The following ZNF552 variants were observed in gnomAD, a reference collection of about 807,000 sequenced individuals.
ZNF552 encodes zinc finger protein 552.
ZNF552 carries 2 observed loss-of-function variants against 7.2 expected under a neutral mutation model. That is an observed-to-expected ratio of 0.28 (90% confidence interval 0.11 to 0.88). The LOEUF is 0.88. Ranked by LOEUF, ZNF552 falls within the 40% of genes least tolerant of loss-of-function variation. The probability of loss-of-function intolerance (pLI) is 0.60; values close to 1 mark genes in which losing one functional copy is unlikely to be tolerated. For missense variants in ZNF552, 421 were observed against 493.4 expected, an observed-to-expected ratio of 0.85 and a Z score of 1.39; for synonymous variants, 173 against 176.5, an observed-to-expected ratio of 0.98 and a Z score of 0.16.
In ZNF552 at chr19:57,807,976, G is replaced by T; in HGVS notation, c.*64C>A. 1.3e-6 allele frequency: 2 copies of T among 1,504,728 alleles called. No individual in the cohort carries two copies. Among genetic ancestry groups the T allele is most frequent in the Non-Finnish European group, 8.9e-7 (1 of 1,119,230 alleles). The allele number at this position is 1,504,728 out of a possible 1,614,324, so 93.2% of individuals were successfully genotyped here. On this transcript the variant is annotated 3_prime_UTR_variant, in exon 3 of 3. Coordinates refer to ENST00000391701, the MANE Select transcript of ZNF552 (RefSeq NM_024762.3). ...TGGGTAAACATTTTCCACATTTGCT[G>T]CAATCACAGGATCTTACTCAGGTGT...
rs572237171 is a variant in ZNF552, at chr19:57,808,970, C to T, written c.294G>A (p.Pro98=). The change falls in exon 3 of 3, where the codon CCG becomes CCA. Residue 98 remains proline, a synonymous_variant. Transcript: ENST00000391701. The part of the protein sequence containing the change: ...KKAHPCEMCG[P]ILGDILHVAD... The stretch of plus-strand genomic sequence containing the variant: ...CCACATGCAAAATGTCTCCCAAGAT[C>T]GGGCCACACATCTCACAGGGGTGGG... 1.9e-5 allele frequency: 30 copies of T among 1,591,096 alleles called. No homozygotes were observed. Among genetic ancestry groups the T allele is most frequent in the South Asian group, 2.3e-5 (2 of 88,686 alleles).
chr19:57,809,278 C>T (rs1420677730), intron 2 of ZNF552, 175 bp from the exon 3 acceptor site: 1 of 1,472,878 alleles, frequency 6.8e-7, no homozygotes, highest in Non-Finnish European at 9.2e-7. Flanking sequence ...ATAATGGTCA[C>T]AGAATGTAGG....
Position 57,808,192 on chromosome 19 carries a change from C to G in ZNF552, c.1072G>C (p.Gly358Arg). 6.2e-7 allele frequency: 1 copy of G among 1,614,070 alleles called. No individual in the cohort carries two copies. Among genetic ancestry groups the G allele is most frequent in the Non-Finnish European group, 8.5e-7 (1 of 1,180,012 alleles). The change falls in exon 3 of 3, where the codon GGG (glycine) becomes CGG (arginine). Residue 358 changes from glycine (G) to arginine (R), a missense_variant. Around this residue, in one of 2 missense-constraint regions of ZNF552, gnomAD observed 299 missense variants for 293.7 expected, o/e 1.02. Coordinates refer to ENST00000391701, the MANE Select transcript of ZNF552 (RefSeq NM_024762.3). ...GQKPYECSEC[G>R]KSFAESSSLT... The stretch of plus-strand genomic sequence containing the variant: ...CTGGAGCTTTCGGCAAAAGATTTCC[C>G]ACATTCACTGCACTCATAAGGCTTC...
chr19:57,814,077 G>A (rs1012226262), intron 1 of ZNF552, among the ~76,000 whole-genome samples: 1 of 152,090 alleles, frequency 6.6e-6, no homozygotes, highest in Non-Finnish European at 1.5e-5. Flanking sequence ...TGCTTCTACA[G>A]CCATAAAGGC....
intron 2 of ZNF552, chr19:57,813,024 TCA>T (rs1244540167): frequency 2.0e-6 from 1 of 489,366 alleles, no homozygotes; most frequent in African/African-American, 1.9e-5. Context: ...CTGGATGAAA[TCA>T]CACAAACATC....
Position 57,807,969 on chromosome 19 carries a change from A to G in ZNF552, c.*71T>C, listed in dbSNP as rs1987773081. 2 of 1,497,292 alleles carry G rather than the reference A, an allele frequency of 1.3e-6. No homozygotes were observed. The highest frequency in any genetic ancestry group is 2.3e-5 in the East Asian group (1 of 44,054). The allele number at this position is 1,497,292 out of a possible 1,614,324, so 92.8% of individuals were successfully genotyped here. ...AGACCTTTGGGTAAACATTTTCCACATTTGCTGCAATCACAGGATCTTACT... is the reference window on the plus strand; with the variant it reads ...AGACCTTTGGGTAAACATTTTCCACGTTTGCTGCAATCACAGGATCTTACT... On this transcript the variant is annotated 3_prime_UTR_variant, in exon 3 of 3. Transcript: ENST00000391701.
chr19:57,813,150 G>T, intron 2 of ZNF552, 144 bp downstream of exon 2: 1 of 1,372,596 alleles, frequency 7.3e-7, no homozygotes, highest in Non-Finnish European at 9.8e-7. Context: ...GGAGAGGGCA[G>T]TATGCATACC....
chr19:57,810,708 G>T (rs373205955), intron 2 of ZNF552, among the ~76,000 whole-genome samples: 1 of 152,122 alleles, frequency 6.6e-6, no homozygotes, highest in Non-Finnish European at 1.5e-5. Context: ...CTGACAGCCC[G>T]ACGCCAGTAA....
intron 1 of ZNF552, 48 bp from the exon 2 acceptor site, chr19:57,813,468 G>T: frequency 6.3e-7 from 1 of 1,591,134 alleles, no homozygotes; most frequent in Non-Finnish European, 8.6e-7. Context: ...CTATGCTGAG[G>T]TATCACAATC....
intron 2 of ZNF552, among the ~76,000 whole-genome samples, chr19:57,810,430 C>T (rs1270826905): frequency 1.3e-5 from 2 of 152,148 alleles, no homozygotes; most frequent in Non-Finnish European, 2.9e-5. Flanking sequence ...ATTATTCTGC[C>T]TTGAGATGCT....
In ZNF552 at chr19:57,807,926, C is replaced by T. The variant is rs1210801491; in HGVS notation, c.*114G>A. 7.4e-7 allele frequency: 1 copy of T among 1,353,184 alleles called. No individual in the cohort carries two copies. The highest frequency in any genetic ancestry group is 1.5e-5 in the African/African-American group (1 of 68,360). The allele number at this position is 1,353,184 out of a possible 1,614,324, so 83.8% of individuals were successfully genotyped here. On this transcript the variant is annotated 3_prime_UTR_variant, in exon 3 of 3. Coordinates refer to ENST00000391701, the MANE Select transcript of ZNF552 (RefSeq NM_024762.3). Reference sequence around the variant, plus strand: ...AGGACTCTTCTCTAGTGTGAACTCTCCAATATCCAAGGAGAGCAGACCTTT... The same window carrying T: ...AGGACTCTTCTCTAGTGTGAACTCTTCAATATCCAAGGAGAGCAGACCTTT...
intron 2 of ZNF552, 54 bp downstream of exon 2, chr19:57,813,240 A>G: frequency 6.2e-7 from 1 of 1,603,772 alleles, no homozygotes. Context: ...ATAGAAAAAG[A>G]GGGGGAAAGA....
At position 57,808,532 on chromosome 19, in the gene ZNF552, T is replaced by A. The variant is rs745474538; in HGVS notation, c.732A>T (p.Glu244Asp). The A allele has an allele frequency of 6.2e-7, 1 of 1,614,114 alleles. No homozygotes were observed. Among genetic ancestry groups the A allele is most frequent in the Non-Finnish European group, 8.5e-7 (1 of 1,179,972 alleles). ...LPTEEPSVWCECGKSSSKYDS... is the reference protein window; with the variant it reads ...LPTEEPSVWCDCGKSSSKYDS... ...CATATTTGCTAGAGGATTTCCCACA[T>A]TCACACCACACAGAAGGTTCTTCTG... Residue 244 changes from glutamate (E) to aspartate (D), a missense_variant, in exon 3 of 3, where the codon GAA (glutamate) becomes GAT (aspartate). By Grantham distance (45) the Glu-to-Asp change is conservative. Coordinates refer to ENST00000391701, the MANE Select transcript of ZNF552 (RefSeq NM_024762.3).
In ZNF552 at chr19:57,814,891, C is replaced by G. The variant is rs999224725; in HGVS notation, c.-148G>C. On this transcript the variant is annotated 5_prime_UTR_variant, in exon 1 of 3. Transcript: ENST00000391701. ...ACACAGCGCTCCAAGGACTCCCTAA[C>G]GCCAATGGAAATGGTCGCTACTAAA... The G allele has an allele frequency of 1.9e-5, 16 of 820,600 alleles. No homozygotes were observed. Among genetic ancestry groups the G allele is most frequent in the African/African-American group, 3.4e-5 (2 of 57,974 alleles). 50.8% of individuals were successfully genotyped at this position (820,600 alleles called of 1,614,324 possible). A position where few individuals can be genotyped will look rare whatever the true frequency, so the allele number is the denominator to read the frequency against.
Position 57,814,757 on chromosome 19 carries a change from G to C in ZNF552, c.-14C>G, listed in dbSNP as rs769688468. Reference sequence around the variant, plus strand: ...GGCCGCCGCCATGGGACCACGTGGGGTAAGCTGGGTTGAGAGCAGCGGGCG... The same window carrying C: ...GGCCGCCGCCATGGGACCACGTGGGCTAAGCTGGGTTGAGAGCAGCGGGCG... On this transcript the variant is annotated 5_prime_UTR_variant, in exon 1 of 3. Coordinates refer to ENST00000391701, the MANE Select transcript of ZNF552 (RefSeq NM_024762.3). 1.9e-6 allele frequency: 3 copies of C among 1,600,242 alleles called. No homozygotes were observed. In the Admixed American group the frequency reaches 5.0e-5, roughly 27 times the overall value.
intron 2 of ZNF552, 35 bp downstream of exon 2, chr19:57,813,259 A>G (rs1330074757): frequency 6.2e-7 from 1 of 1,612,922 alleles, no homozygotes; most frequent in African/African-American, 1.3e-5. Flanking sequence ...GACAGAGACT[A>G]GCTCAGGTCA....
At position 57,808,784 on chromosome 19, in the gene ZNF552, A is replaced by T; in HGVS notation, c.480T>A (p.Cys160Ter). ...ATGACTCCCCTGACACATGCAACTT[A>T]CACCTCTTCGCAAACAACGCCTCCT... ...SVEEALFAKR[C>*]KLHVSGESSV... The change falls in exon 3 of 3, where the codon TGT becomes TGA. Residue 160 changes from cysteine (C) to a stop codon, truncating the protein, a stop_gained. Coordinates refer to ENST00000391701, the MANE Select transcript of ZNF552 (RefSeq NM_024762.3). LOFTEE classifies it low-confidence loss of function (END_TRUNC). 1 of 1,614,158 alleles carries T rather than the reference A, an allele frequency of 6.2e-7. No individual in the cohort carries two copies. The highest frequency in any genetic ancestry group is 2.2e-5 in the East Asian group (1 of 44,880).
rs142407853 is a variant in ZNF552 at position 57,808,793 on chromosome 19, C to A, written c.471G>T (p.Ala157=). ...YRGSVEEALF[A]KRCKLHVSGE... ...CTGACACATGCAACTTACACCTCTT[C>A]GCAAACAACGCCTCCTCAACACTCC... is the stretch of plus-strand genomic sequence containing the variant. Residue 157 remains alanine (A), a synonymous_variant, in exon 3 of 3, where the codon GCG becomes GCT. Transcript: ENST00000391701. 6.8e-6 allele frequency: 11 copies of A among 1,614,082 alleles called. No individual in the cohort carries two copies. The highest frequency in any genetic ancestry group is 8.5e-6 in the Non-Finnish European group (10 of 1,180,056).
intron 2 of ZNF552, among the ~76,000 whole-genome samples, chr19:57,810,709 A>C (rs1987838300): frequency 6.6e-6 from 1 of 152,144 alleles, no homozygotes; most frequent in Admixed American, 6.5e-5. Context: ...TGACAGCCCG[A>C]CGCCAGTAAA....
Sources: allele counts gnomAD v4.1 joint callset (sites outside exome capture counted in the v4.1 genomes callset), GRCh38; gene constraint gnomAD v4.1.1; regional missense constraint gnomAD v4.1.1; transcripts MANE v1.5; gene names NCBI Gene and HGNC (gene_info 2026-07-23, HGNC 2026-07-21).